Variants in HFM1 observed in about 807,000 individuals in gnomAD.
HFM1 encodes the protein probable ATP-dependent DNA helicase HFM1.
HFM1 carries 169 observed loss-of-function variants against 192.1 expected under a neutral mutation model. The observed-to-expected ratio is 0.88, with a 90% confidence interval of 0.78 to 1.00. HFM1 has a LOEUF of 1.00. Ranked by LOEUF, HFM1 falls within the 50% of genes least tolerant of loss-of-function variation. The pLI, the probability that HFM1 is intolerant of heterozygous loss-of-function variation, is 0.00. For synonymous variants in HFM1, 525 were observed against 537.8 expected, an observed-to-expected ratio of 0.98 and a Z score of 0.33; for missense variants, 1,661 against 1,668.0, an observed-to-expected ratio of 1.00 and a Z score of 0.07.
intron 2 of HFM1, among the ~76,000 whole-genome samples, chr1:91,397,657 T>C (rs553964009): frequency 6.5e-4 from 99 of 152,350 alleles, no homozygotes; most frequent in East Asian, 1.5e-3. Flanking sequence ...CCAGATCTTT[T>C]AAAATTTAGG....
At chr1:91,402,263 T>G (rs1387628942) in intron 1 of HFM1, among the ~76,000 whole-genome samples, 1 of 152,166 alleles carries the variant, frequency 6.6e-6, no homozygotes, top group African/African-American at 2.4e-5. Context: ...GAAGGGAGAA[T>G]GTTTCCACAT....
At chr1:91,335,214 G>A (rs1212336933) in intron 20 of HFM1, among the ~76,000 whole-genome samples, 4 of 152,170 alleles carry the variant, frequency 2.6e-5, no homozygotes, top group East Asian at 1.9e-4. Context: ...TGGTGAATAT[G>A]TTCAGCCAAC....
In HFM1 at chr1:91,350,744, G is replaced by A. The variant is rs190125328; in HGVS notation, c.2200C>T (p.His734Tyr). The A allele has an allele frequency of 2.2e-5, 35 of 1,610,138 alleles. No individual in the cohort carries two copies. In the African/African-American group the frequency reaches 4.0e-4, roughly 18 times the overall value. The part of the protein sequence containing the change: ...LYIRALKNPS[H>Y]YGFASGLNKD... ...CCAAGTCAAAGTAACAAACCATAAT[G>A]AGATGGATTTTTCAAGGCTCTGATA... is the stretch of plus-strand genomic sequence containing the variant. The change falls in exon 18 of 39, where the codon CAT becomes TAT. Residue 734 changes from histidine (H) to tyrosine (Y), a missense_variant. Transcript: ENST00000370425.
At chr1:91,272,606 G>C (rs1666411428) in intron 34 of HFM1, among the ~76,000 whole-genome samples, 1 of 152,068 alleles carries the variant, frequency 6.6e-6, no homozygotes, top group Non-Finnish European at 1.5e-5. Context: ...GAGTAAGTTA[G>C]AGGGCTACAT....
At chr1:91,336,519 T>C (rs1474295836) in intron 20 of HFM1, among the ~76,000 whole-genome samples, 1 of 152,140 alleles carries the variant, frequency 6.6e-6, no homozygotes, top group Non-Finnish European at 1.5e-5. Flanking sequence ...TTCCAGACTA[T>C]TGCAGTTACC....
intron 20 of HFM1, chr1:91,329,460 G>T (rs1481368392): frequency 6.4e-7 from 1 of 1,568,638 alleles, no homozygotes; most frequent in African/African-American, 1.4e-5. Context: ...AGAATCAAAG[G>T]GATCCACTAA....
upstream of HFM1, among the ~76,000 whole-genome samples, chr1:91,405,696 G>T (rs911460092): frequency 2.0e-5 from 3 of 152,084 alleles, no homozygotes; most frequent in African/African-American, 7.2e-5. Context: ...AATAATATTT[G>T]CAGTAGTCCT....
intron 23 of HFM1, among the ~76,000 whole-genome samples, chr1:91,322,630 C>G (rs942747428): frequency 6.6e-6 from 1 of 152,150 alleles, no homozygotes; most frequent in Non-Finnish European, 1.5e-5. Flanking sequence ...ATTTATTACA[C>G]AGGTTTTCAT....
chr1:91,262,170 C>T lies in HFM1; in HGVS notation c.4238+71G>A, dbSNP rs377088273. The stretch of plus-strand genomic sequence containing the variant: ...GTGATCTTTAAAATGAAAAGGAAAA[C>T]GGAAGGCTGAATTTCTTTGTGAAAA... On this transcript the variant is annotated intron_variant, in intron 38 of 38. Transcript: ENST00000370425. 2.3e-5 allele frequency: 16 copies of T among 683,826 alleles called. No homozygotes were observed. In the East Asian group the frequency reaches 2.9e-4, roughly 12 times the overall value. 42.4% of individuals were successfully genotyped at this position (683,826 alleles called of 1,614,324 possible).
rs541555333 is a variant in HFM1, at chr1:91,393,162, C to T, written c.494+931G>A. 2.2e-4 allele frequency among the ~76,000 whole-genome samples: 33 copies of T among 152,190 alleles called. No homozygotes were observed. In the South Asian group the frequency reaches 6.2e-3, roughly 29 times the overall value. On this transcript the variant is annotated intron_variant, in intron 4 of 38. Coordinates refer to ENST00000370425, the MANE Select transcript of HFM1 (RefSeq NM_001017975.6). ...TTATTACAAACATTATAGAAATCAA[C>T]CTCAGCTGGACCCTTTACAGTGTCC...
In HFM1 at chr1:91,379,119, T is replaced by C. The variant is rs1328663915; in HGVS notation, c.1102A>G (p.Thr368Ala). The change falls in exon 9 of 39, where the codon ACA becomes GCA. Residue 368 changes from threonine to alanine, a missense_variant. Physicochemically the swap from Thr to Ala is moderately conservative, Grantham distance 58. Coordinates refer to ENST00000370425, the MANE Select transcript of HFM1 (RefSeq NM_001017975.6). ...ATCTCAAATAGATCATCCATTACTG[T>C]ATCTCCAGTAAGTTCTTTACAATTC... ...GLNCKELTGDTVMDDLFEIQH... is the reference protein window; with the variant it reads ...GLNCKELTGDAVMDDLFEIQH... 1 of 1,598,864 alleles carries C rather than the reference T, an allele frequency of 6.3e-7. No homozygotes were observed. The highest frequency in any genetic ancestry group is 8.6e-7 in the Non-Finnish European group (1 of 1,168,314).
At chr1:91,368,039 T>G (rs1475178111) in intron 13 of HFM1, among the ~76,000 whole-genome samples, 2 of 151,154 alleles carry the variant, frequency 1.3e-5, no homozygotes, top group East Asian at 3.9e-4. Flanking sequence ...AAGTGAGAAG[T>G]TTAGAGAAAA....
In HFM1 at chr1:91,266,071, C is replaced by G; in HGVS notation, c.3920G>C (p.Ser1307Thr). The change falls in exon 36 of 39, where the codon AGT becomes ACT. Residue 1307 changes from serine to threonine, a missense_variant. Transcript: ENST00000370425. ...CTTTGACTCTTGAAGGGGTAGCTTA[C>G]TTCCCCTGGTACTTGAACTCAAAGT... ...GNTLSSSTRG[S>T]KLPLQESKSK... 1 of 1,585,930 alleles carries G rather than the reference C, an allele frequency of 6.3e-7. No individual in the cohort carries two copies. Among genetic ancestry groups the G allele is most frequent in the Non-Finnish European group, 8.5e-7 (1 of 1,172,282 alleles).
At position 91,313,504 on chromosome 1, in the gene HFM1, TG is replaced by T; in HGVS notation, c.3245-10del. The T allele has an allele frequency of 6.5e-7, 1 of 1,550,248 alleles. No homozygotes were observed. Among genetic ancestry groups the T allele is most frequent in the Non-Finnish European group, 8.7e-7 (1 of 1,150,182 alleles). ...CTGAATATCAAGCCCAACTGGAAAA[TG>T]AAAAAAAAGTACACAAATGTTTATT... is the stretch of plus-strand genomic sequence containing the variant. On this transcript the variant is annotated splice_polypyrimidine_tract_variant and intron_variant, in intron 29 of 38. Transcript: ENST00000370425.
Position 91,262,593 on chromosome 1 carries a change from C to G in HFM1, c.3975-1G>C. The G allele has an allele frequency of 6.5e-7, 1 of 1,537,428 alleles. No individual in the cohort carries two copies. The highest frequency in any genetic ancestry group is 8.9e-7 in the Non-Finnish European group (1 of 1,120,946). ...CGACATCTCATGTGATGAAACAAAA[C>G]TAAAAATTAAAATTAATTATTTGTA... is the stretch of plus-strand genomic sequence containing the variant. On this transcript the variant is annotated splice_acceptor_variant, in intron 36 of 38. Coordinates refer to ENST00000370425, the MANE Select transcript of HFM1 (RefSeq NM_001017975.6). LOFTEE classifies it high-confidence loss of function.
chr1:91,363,550 G>A (rs1020548978), intron 13 of HFM1, among the ~76,000 whole-genome samples: 3 of 150,904 alleles, frequency 2.0e-5, no homozygotes, highest in Non-Finnish European at 4.4e-5. Flanking sequence ...AGATGCTGGC[G>A]AGGTTGCAGA....
intron 30 of HFM1, among the ~76,000 whole-genome samples, chr1:91,282,752 T>TA (rs11385380): frequency 1 from 152,157 of 152,340 alleles, 75,987 homozygotes; most frequent in Non-Finnish European, 1. Context: ...AGAAGGAACC[T>TA]TTGTTTTGAG....
At chr1:91,313,921 T>C (rs1470877188) in intron 29 of HFM1, 36 bp downstream of exon 29, 3 of 1,131,408 alleles carry the variant, frequency 2.7e-6, no homozygotes, top group Non-Finnish European at 3.9e-6. Flanking sequence ...AATTATATTA[T>C]TTATATTCAT....
At chr1:91,299,974 CA>C (rs1162173960) in intron 30 of HFM1, among the ~76,000 whole-genome samples, 3 of 151,894 alleles carry the variant, frequency 2.0e-5, no homozygotes, top group Admixed American at 6.6e-5. Context: ...AAAAACCCTT[CA>C]AAAAAATCAA....
Sources: allele counts gnomAD v4.1 joint callset (sites outside exome capture counted in the v4.1 genomes callset), GRCh38; gene constraint gnomAD v4.1.1; transcripts MANE v1.5; gene names NCBI Gene and HGNC (gene_info 2026-07-23, HGNC 2026-07-21).